MTCL1: variants seen among roughly 807,000 people sequenced by gnomAD.
MTCL1 encodes microtubule cross-linking factor 1.
Under a neutral mutation model 141.4 loss-of-function variants are expected in MTCL1, and 79 were observed. The ratio of observed to expected loss-of-function variants is 0.56; its 90% confidence interval spans 0.47 to 0.67. The LOEUF (loss-of-function observed/expected upper bound fraction) is 0.67, where lower values mean the gene tolerates loss of function less well. Among genes scored for constraint, MTCL1 ranks in the 30% least tolerant of loss-of-function variants. The pLI is 0.00. For synonymous variants in MTCL1, 914 were observed against 875.8 expected, an observed-to-expected ratio of 1.04 and a Z score of -0.77; for missense variants, 2,177 against 2,113.9, an observed-to-expected ratio of 1.03 and a Z score of -0.59.
At chr18:8,766,684 G>A (rs951144070) in intron 4 of MTCL1, among the ~76,000 whole-genome samples, 1 of 152,200 alleles carries the variant, frequency 6.6e-6, no homozygotes, top group African/African-American at 2.4e-5. Flanking sequence ...AACCATGGCT[G>A]TTTTGTTTTT....
chr18:8,791,887 G>GTGAATC (rs60395561), intron 7 of MTCL1, among the ~76,000 whole-genome samples: 46,806 of 151,670 alleles, frequency 0.31, 7,861 homozygotes, highest in African/African-American at 0.45. Context: ...GCTGAACTTG[G>GTGAATC]TGAATCCCCA....
intron 6 of MTCL1, chr18:8,785,570 T>C: frequency 8.2e-6 from 2 of 244,420 alleles, no homozygotes; most frequent in South Asian, 5.7e-5. Context: ...AGGAAGAGCC[T>C]CGTTTTCCGT....
At chr18:8,749,867 C>A (rs972403033) in intron 4 of MTCL1, among the ~76,000 whole-genome samples, 1 of 152,026 alleles carries the variant, frequency 6.6e-6, no homozygotes, top group Admixed American at 6.5e-5. Context: ...TTGTTGGGAC[C>A]CAGCTATAAA....
chr18:8,743,419 A>C (rs1364339494), intron 4 of MTCL1, among the ~76,000 whole-genome samples: 1 of 152,232 alleles, frequency 6.6e-6, no homozygotes, highest in East Asian at 1.9e-4. Context: ...ATATTAGTTT[A>C]CTATTGATGC....
intron 4 of MTCL1, among the ~76,000 whole-genome samples, chr18:8,725,662 G>A (rs563963595): frequency 4.0e-5 from 6 of 151,754 alleles, no homozygotes; most frequent in Middle Eastern, 3.5e-3. Context: ...TCATTTGTTC[G>A]CTGTATTCAA....
chr18:8,825,674 C>T (rs1281915168), exon 15 of MTCL1: 19 of 1,613,840 alleles, frequency 1.2e-5, no homozygotes, highest in Non-Finnish European at 1.4e-5. Flanking sequence ...GCTGCTCCCC[C>T]AAGTATGGTT....
intron 4 of MTCL1, among the ~76,000 whole-genome samples, chr18:8,732,298 G>C (rs527932569): frequency 6.6e-6 from 1 of 151,940 alleles, no homozygotes; most frequent in South Asian, 2.1e-4. Flanking sequence ...TTTTAGTAGA[G>C]ACTGGGTCTC....
chr18:8,708,438 A>G (rs552859499), intron 1 of MTCL1, among the ~76,000 whole-genome samples: 6 of 80,848 alleles, frequency 7.4e-5, no homozygotes, highest in Non-Finnish European at 2.3e-4. Context: ...TCTTCCCAAC[A>G]ACATAGGGTG....
At chr18:8,785,190 T>C (rs941397120) in intron 6 of MTCL1, among the ~76,000 whole-genome samples, 3 of 152,100 alleles carry the variant, frequency 2.0e-5, no homozygotes, top group Non-Finnish European at 2.9e-5. Flanking sequence ...TCTCTTGGTA[T>C]CTCAACCAAC....
intron 16 of MTCL1, chr18:8,829,004 G>A: frequency 1.9e-6 from 3 of 1,613,928 alleles, no homozygotes; most frequent in Non-Finnish European, 2.5e-6. Flanking sequence ...GTCTGGAGAG[G>A]TCGTGTTGTG....
intron 4 of MTCL1, among the ~76,000 whole-genome samples, chr18:8,735,273 G>T (rs1207696710): frequency 6.6e-6 from 1 of 152,154 alleles, no homozygotes; most frequent in Non-Finnish European, 1.5e-5. Context: ...CCACTCATCA[G>T]TTCTACTCCA....
At chr18:8,791,969 G>A (rs1289110006) in intron 7 of MTCL1, among the ~76,000 whole-genome samples, 1 of 152,142 alleles carries the variant, frequency 6.6e-6, no homozygotes, top group African/African-American at 2.4e-5. Flanking sequence ...TAAGGGAGGT[G>A]CTCTGCTCTT....
intron 4 of MTCL1, among the ~76,000 whole-genome samples, chr18:8,729,673 A>AATATATATATATATAT (rs3051533): frequency 7.6e-6 from 1 of 131,530 alleles, no homozygotes; most frequent in Non-Finnish European, 1.7e-5. Flanking sequence ...CAAGAAGACA[A>AATATATATATATATAT]ATATATATAT....
At chr18:8,728,302 GT>G (rs954478087) in intron 4 of MTCL1, among the ~76,000 whole-genome samples, 1 of 151,950 alleles carries the variant, frequency 6.6e-6, no homozygotes. Flanking sequence ...TCCTTCAGCA[GT>G]TTTTTTCAGT....
rs2096060618 is a variant in MTCL1, at chr18:8,706,830, C to T, written c.1053+117C>T. ...CCAGCGCCTTCTCCCTCCTGCTCTC[C>T]ACGGTCCTACCCCCGCATTGTCAGG... On this transcript the variant is annotated intron_variant, in intron 1 of 13. Transcript: ENST00000306329. 2.7e-6 allele frequency: 4 copies of T among 1,460,034 alleles called. No homozygotes were observed. In the East Asian group the frequency reaches 8.0e-5, roughly 29 times the overall value. The allele number at this position is 1,460,034 out of a possible 1,614,324, so 90.4% of individuals were successfully genotyped here. A position where few individuals can be genotyped will look rare whatever the true frequency, so the allele number is the denominator to read the frequency against.
chr18:8,718,089 G>A (rs925993374), intron 2 of MTCL1: 1 of 722,052 alleles, frequency 1.4e-6, no homozygotes, highest in South Asian at 3.1e-5. Context: ...TTAGGTCAAT[G>A]TTTGGTTTGA....
At chr18:8,715,267 T>G (rs1332098022), upstream of MTCL1, among the ~76,000 whole-genome samples, 4 of 152,224 alleles carry the variant, frequency 2.6e-5, no homozygotes, top group South Asian at 2.1e-4. Context: ...TTAGGGTGGA[T>G]GTGGGCTCTC....
At chr18:8,721,741 C>T (rs1294033825) in intron 4 of MTCL1, among the ~76,000 whole-genome samples, 1 of 152,202 alleles carries the variant, frequency 6.6e-6, no homozygotes, top group Non-Finnish European at 1.5e-5. Flanking sequence ...TCTATTGTCA[C>T]CGCTCATCTG....
intron 4 of MTCL1, among the ~76,000 whole-genome samples, chr18:8,737,982 T>G (rs368024976): frequency 6.6e-6 from 1 of 152,138 alleles, no homozygotes; most frequent in Non-Finnish European, 1.5e-5. Context: ...AATCAACATA[T>G]GTTTTCATTT....
Sources: gnomAD v4.1 joint callset for allele counts (sites outside exome capture counted in the v4.1 genomes callset) on GRCh38, gnomAD v4.1.1 for gene constraint, MANE v1.5 for transcripts, NCBI Gene and HGNC (gene_info 2026-07-23, HGNC 2026-07-21) for gene names.